LINGO2: variants seen among roughly 807,000 people sequenced by gnomAD.
LINGO2 encodes the protein leucine rich repeat and Ig domain containing 2, also known as leucine-rich repeat and immunoglobulin-like domain-containing nogo receptor-interacting protein 2.
A neutral mutation model predicts 30.6 loss-of-function variants in LINGO2; 14 were observed. That is an observed-to-expected ratio of 0.46 (90% CI 0.30 to 0.72). The LOEUF is 0.72. LINGO2 is among the 30% of genes least tolerant of loss of function. LINGO2 has a pLI of 0.07. For synonymous variants in LINGO2, 317 were observed against 288.5 expected (o/e 1.10, Z -1.00); for missense variants, 729 against 751.7 (o/e 0.97, Z 0.35).
chr9:29,081,054 G>T, the LINGO2 span, among the ~76,000 whole-genome samples: 1 of 151,912 alleles, frequency 6.6e-6, no homozygotes, highest in African/African-American at 2.4e-5. Context: ...GAAAAAGAGG[G>T]AATCCTCCCT....
intron 1 of LINGO2, among the ~76,000 whole-genome samples, chr9:28,650,289 A>G (rs998401244): frequency 4.6e-5 from 7 of 152,088 alleles, no homozygotes; most frequent in Admixed American, 1.3e-4. Context: ...TTCCTAACCT[A>G]AGAAAGCAGA....
intron 1 of LINGO2, among the ~76,000 whole-genome samples, chr9:28,506,638 G>A (rs930755519): frequency 2.3e-5 from 3 of 130,914 alleles, no homozygotes; most frequent in African/African-American, 8.6e-5. Flanking sequence ...ATATATATTT[G>A]CATATATAAA....
intron 4 of LINGO2, among the ~76,000 whole-genome samples, chr9:28,087,774 T>C (rs1393411278): frequency 6.6e-6 from 1 of 152,044 alleles, no homozygotes; most frequent in Non-Finnish European, 1.5e-5. Context: ...TAGCATTTCA[T>C]TGGTACATAT....
At chr9:28,087,162 T>A (rs1157166117) in intron 4 of LINGO2, among the ~76,000 whole-genome samples, 1 of 152,004 alleles carries the variant, frequency 6.6e-6, no homozygotes, top group African/African-American at 2.4e-5. Flanking sequence ...TAGCTCCTAG[T>A]CCACTTGCCA....
At chr9:28,151,244 A>C (rs1215159134) in intron 4 of LINGO2, among the ~76,000 whole-genome samples, 1 of 152,196 alleles carries the variant, frequency 6.6e-6, no homozygotes, top group East Asian at 1.9e-4. Flanking sequence ...CAATAACTAT[A>C]ATTCATTATA....
At chr9:29,160,460 A>G in the LINGO2 span, among the ~76,000 whole-genome samples, 15 of 152,348 alleles carry the variant, frequency 9.8e-5, 1 homozygote, top group South Asian at 2.7e-3. Flanking sequence ...TTGAGATAAC[A>G]TATTTGAAAT....
intron 5 of LINGO2, among the ~76,000 whole-genome samples, chr9:27,997,409 A>G (rs1481594155): frequency 4.0e-5 from 6 of 151,754 alleles, no homozygotes; most frequent in East Asian, 2.0e-4. Flanking sequence ...TCCCCCCGTC[A>G]TAAGTGAGAA....
intron 1 of LINGO2, among the ~76,000 whole-genome samples, chr9:28,594,657 G>A (rs539143891): frequency 4.2e-4 from 64 of 152,206 alleles, no homozygotes; most frequent in Middle Eastern, 3.4e-3. Flanking sequence ...AATTACAGCA[G>A]CCAAGGCTTA....
At chr9:28,963,977 C>T in the LINGO2 span, among the ~76,000 whole-genome samples, 1 of 151,734 alleles carries the variant, frequency 6.6e-6, no homozygotes. Flanking sequence ...TGATGAATAT[C>T]CCAAATATCC....
At chr9:28,700,661 A>G in the LINGO2 span, among the ~76,000 whole-genome samples, 1 of 152,076 alleles carries the variant, frequency 6.6e-6, no homozygotes, top group African/African-American at 2.4e-5. Flanking sequence ...CATCTAGGTA[A>G]ATACCAAAGA....
chr9:28,518,221 G>A (rs955138379), intron 1 of LINGO2, among the ~76,000 whole-genome samples: 8 of 152,086 alleles, frequency 5.3e-5, no homozygotes, highest in Non-Finnish European at 1.2e-4. Flanking sequence ...AATTAATTCT[G>A]GTTTTCAAAG....
At chr9:28,644,412 T>C (rs1468038725) in intron 1 of LINGO2, among the ~76,000 whole-genome samples, 1 of 151,868 alleles carries the variant, frequency 6.6e-6, no homozygotes, top group African/African-American at 2.4e-5. Context: ...CTAAGTGACA[T>C]AAGCTAGGCC....
At chr9:28,269,417 T>C (rs1012353398) in intron 4 of LINGO2, among the ~76,000 whole-genome samples, 16 of 152,136 alleles carry the variant, frequency 1.1e-4, no homozygotes, top group African/African-American at 3.6e-4. Flanking sequence ...ATACATCTCA[T>C]CTTTATATAA....
intron 5 of LINGO2, among the ~76,000 whole-genome samples, chr9:27,991,900 A>C (rs1018277541): frequency 4.6e-5 from 7 of 152,082 alleles, no homozygotes; most frequent in African/African-American, 9.7e-5. Flanking sequence ...TTTTTTAAAA[A>C]ATGTGCATTT....
chr9:28,121,795 C>A (rs1331562252), intron 4 of LINGO2, among the ~76,000 whole-genome samples: 2 of 152,148 alleles, frequency 1.3e-5, no homozygotes, highest in African/African-American at 4.8e-5. Flanking sequence ...AATCCAATTT[C>A]TTGTCATTAC....
chr9:28,612,407 T>C (rs1157370392), intron 1 of LINGO2, among the ~76,000 whole-genome samples: 2 of 152,124 alleles, frequency 1.3e-5, no homozygotes, highest in East Asian at 1.9e-4. Context: ...GTTGATTCTA[T>C]ATCTGGACAA....
rs370008345 is a variant in LINGO2, at chr9:27,971,965, G to A, written c.-35-21259C>T. Among the ~76,000 whole-genome samples the A allele has an allele frequency of 8.1e-4, 124 of 152,240 alleles. 1 individual carries two copies. In the South Asian group the frequency reaches 0.023, roughly 28 times the overall value. On this transcript the variant is annotated intron_variant, in intron 5 of 5. Coordinates refer to ENST00000379992, the Ensembl canonical transcript of LINGO2. ...AATGGAAAATATTGGTATATGTAAA[G>A]CCTTTACTATCCTTATAAGATTGAA...
chr9:28,865,361 A>T, the LINGO2 span, among the ~76,000 whole-genome samples: 1 of 152,144 alleles, frequency 6.6e-6, no homozygotes, highest in Non-Finnish European at 1.5e-5. Context: ...CCAGCTCTTC[A>T]TCAAGTGTCA....
the LINGO2 span, among the ~76,000 whole-genome samples, chr9:28,857,320 C>T: frequency 6.6e-6 from 1 of 152,042 alleles, no homozygotes; most frequent in Non-Finnish European, 1.5e-5. Flanking sequence ...CAATTACTAG[C>T]TGTGTGTTTT....
Sources: allele counts gnomAD v4.1 joint callset (sites outside exome capture counted in the v4.1 genomes callset), GRCh38; gene constraint gnomAD v4.1.1; transcripts MANE v1.5; gene names NCBI Gene and HGNC (gene_info 2026-07-23, HGNC 2026-07-21).